Variants in DYSF observed in about 807,000 individuals in gnomAD.
DYSF encodes dystrophy-associated fer-1-like 1.
A neutral mutation model predicts 274.9 loss-of-function variants in DYSF; 212 were observed. The observed-to-expected ratio is 0.77, with a 90% confidence interval of 0.69 to 0.86. The LOEUF (loss-of-function observed/expected upper bound fraction) is 0.86, where lower values mean the gene tolerates loss of function less well. Ranked by LOEUF, DYSF falls within the 40% of genes least tolerant of loss-of-function variation. The pLI is 0.00. For missense variants in DYSF, 2,666 were observed against 2,783.2 expected (o/e 0.96, Z 0.95); for synonymous variants, 1,091 against 1,078.7 (o/e 1.01, Z -0.22).
chr2:71,659,135 G>A, intron 44 of DYSF, 102 bp downstream of exon 44: 1 of 1,507,400 alleles, frequency 6.6e-7, no homozygotes, highest in Non-Finnish European at 9.2e-7. Flanking sequence ...TTCATAGTAG[G>A]TTGGGAAACA....
chr2:71,593,111 T>G (rs1574229729), intron 32 of DYSF, among the ~76,000 whole-genome samples: 1 of 150,362 alleles, frequency 6.7e-6, no homozygotes, highest in South Asian at 2.1e-4. Context: ...AAGTGATACT[T>G]AATTCAGTGA....
chr2:71,627,352 A>C (rs2152904069), intron 41 of DYSF, among the ~76,000 whole-genome samples: 1 of 152,114 alleles, frequency 6.6e-6, no homozygotes, highest in African/African-American at 2.4e-5. Flanking sequence ...AAATTGTCTA[A>C]AAATATGGTT....
At chr2:71,518,465 C>T (rs2086893026) in intron 10 of DYSF, among the ~76,000 whole-genome samples, 1 of 148,114 alleles carries the variant, frequency 6.8e-6, no homozygotes, top group Non-Finnish European at 1.5e-5. Flanking sequence ...TGGGGTTTCA[C>T]CATCTTGGTC....
chr2:71,655,893 C>G (rs1442799020), intron 42 of DYSF, among the ~76,000 whole-genome samples: 1 of 151,634 alleles, frequency 6.6e-6, no homozygotes, highest in East Asian at 1.9e-4. Context: ...TGCTCCCTTC[C>G]CCTGGAATTT....
rs189024375 is a variant in DYSF at position 71,547,068 on chromosome 2, C to T, written c.1577-3973C>T. On this transcript the variant is annotated intron_variant, in intron 17 of 55. Coordinates refer to ENST00000410020, the MANE Select transcript of DYSF (RefSeq NM_001130987.2). ...TTTGGGCTTCCACAGCCCCAGCTTC[C>T]TGGGCTGAGGGAAAACACAATAAAA... 5.6e-3 allele frequency among the ~76,000 whole-genome samples: 850 copies of T among 152,362 alleles called. 11 individuals are homozygous for T. Among genetic ancestry groups the T allele is most frequent in the Non-Finnish European group, 7.7e-3 (521 of 68,040 alleles).
upstream of DYSF, among the ~76,000 whole-genome samples, chr2:71,465,720 A>C (rs2081489724): frequency 6.6e-6 from 1 of 152,154 alleles, no homozygotes; most frequent in African/African-American, 2.4e-5. Flanking sequence ...GTTAGTGAGG[A>C]CTTGGGCGGT....
intron 36 of DYSF, among the ~76,000 whole-genome samples, chr2:71,608,062 G>T (rs542275387): frequency 6.6e-6 from 1 of 152,168 alleles, no homozygotes; most frequent in Admixed American, 6.5e-5. Context: ...TAGCTGGCCA[G>T]ATGCTGCTGA....
chr2:71,545,135 G>C (rs111390403), intron 17 of DYSF, among the ~76,000 whole-genome samples: 3 of 152,188 alleles, frequency 2.0e-5, no homozygotes, highest in African/African-American at 7.2e-5. Context: ...GGAAGCCACC[G>C]GCACGTGAGG....
chr2:71,502,540 C>G (rs529665152), intron 3 of DYSF, among the ~76,000 whole-genome samples: 2 of 152,254 alleles, frequency 1.3e-5, no homozygotes, highest in East Asian at 3.9e-4. Context: ...TTCCTCTGCT[C>G]TCTTTGAAGG....
intron 1 of DYSF, among the ~76,000 whole-genome samples, chr2:71,457,949 C>T (rs1427014031): frequency 6.6e-6 from 1 of 152,046 alleles, no homozygotes; most frequent in Non-Finnish European, 1.5e-5. Flanking sequence ...GAAAGTTGGG[C>T]GGGGGGCTCA....
rs1322835903 is a variant in DYSF at position 71,602,764 on chromosome 2, G to C, written c.3928-12G>C. The C allele has an allele frequency of 5.0e-6, 8 of 1,612,788 alleles. No individual in the cohort carries two copies. The highest frequency in any genetic ancestry group is 6.8e-6 in the Non-Finnish European group (8 of 1,179,762). Reference sequence around the variant, plus strand: ...TCTCCTGGATGTGCCACATCCCATGGCTGTGGGCCAGGTGCAGGAGACATC... The same window carrying C: ...TCTCCTGGATGTGCCACATCCCATGCCTGTGGGCCAGGTGCAGGAGACATC... On this transcript the variant is annotated splice_polypyrimidine_tract_variant and intron_variant, in intron 35 of 55. Transcript: ENST00000410020.
chr2:71,474,835 C>CAAGTG (rs2082283779), intron 1 of DYSF, among the ~76,000 whole-genome samples: 2 of 152,158 alleles, frequency 1.3e-5, no homozygotes, highest in African/African-American at 4.8e-5. Context: ...TTAAGGAAGC[C>CAAGTG]TGGAGCACCA....
chr2:71,457,860 G>A (rs572469050), intron 1 of DYSF, among the ~76,000 whole-genome samples: 16 of 152,302 alleles, frequency 1.1e-4, no homozygotes, highest in East Asian at 7.7e-4. Context: ...CCTGTGGTGC[G>A]TATGGCAGGT....
At chr2:71,660,193 C>G (rs2094852621) in intron 44 of DYSF, among the ~76,000 whole-genome samples, 1 of 152,242 alleles carries the variant, frequency 6.6e-6, no homozygotes, top group African/African-American at 2.4e-5. Context: ...GGCTGACCAC[C>G]CCTCTCTCAT....
Position 71,480,923 on chromosome 2 carries a change from C to A in DYSF, c.132C>A (p.Asn44Lys), listed in dbSNP as rs772240035. Residue 44 changes from asparagine to lysine, a missense_variant, in exon 2 of 56, where the codon AAC (asparagine) becomes AAA (lysine). Physicochemically the swap from Asn to Lys is moderately conservative, Grantham distance 94. Transcript: ENST00000410020. ...KRTKVIKNSVNPVWNEGFEWD... is the reference protein window; with the variant it reads ...KRTKVIKNSVKPVWNEGFEWD... ...CCAAAGTCATCAAGAACAGCGTGAACCCTGTATGGAATGAGGTATGTGAGT... is the reference window on the plus strand; with the variant it reads ...CCAAAGTCATCAAGAACAGCGTGAAACCTGTATGGAATGAGGTATGTGAGT... The A allele has an allele frequency of 2.6e-5, 42 of 1,614,008 alleles. No homozygotes were observed. The highest frequency in any genetic ancestry group is 4.2e-6 in the Non-Finnish European group (5 of 1,179,976).
In DYSF at chr2:71,674,263, G is replaced by A. The variant is rs1419369213; in HGVS notation, c.5851G>A (p.Asp1951Asn). ...AGCACGAGTGGTGTTCCAGATCTGG[G>A]ACAATGACAAGTTCTCCTTTGATGA... ...IPARVVFQIW[D>N]NDKFSFDDFL... The change falls in exon 52 of 56, where the codon GAC (aspartate) becomes AAC (asparagine). Residue 1951 changes from aspartate to asparagine, a missense_variant. Physicochemically the swap from Asp to Asn is conservative, Grantham distance 23. Coordinates refer to ENST00000410020, the MANE Select transcript of DYSF (RefSeq NM_001130987.2). 1.9e-6 allele frequency: 3 copies of A among 1,614,244 alleles called. No homozygotes were observed. Among genetic ancestry groups the A allele is most frequent in the Middle Eastern group, 3.3e-4 (2 of 6,062 alleles).
chr2:71,520,740 C>T (rs369710423), intron 11 of DYSF, 49 bp from the exon 12 acceptor site: 1 of 1,567,100 alleles, frequency 6.4e-7, no homozygotes, highest in African/African-American at 1.4e-5. Flanking sequence ...GTGGCCACAG[C>T]CTGGGGTCTT....
chr2:71,520,221 C>T lies in DYSF; in HGVS notation c.1033+13C>T. On this transcript the variant is annotated intron_variant, in intron 11 of 55. Coordinates refer to ENST00000410020, the MANE Select transcript of DYSF (RefSeq NM_001130987.2). ...TACAGAGAGCCCCGTGAGTTCTCACCACTTTGGCCGTATCCTTGCATTTTG... is the reference window on the plus strand; with the variant it reads ...TACAGAGAGCCCCGTGAGTTCTCACTACTTTGGCCGTATCCTTGCATTTTG... 1 of 1,614,150 alleles carries T rather than the reference C, an allele frequency of 6.2e-7. No individual in the cohort carries two copies. Among genetic ancestry groups the T allele is most frequent in the Non-Finnish European group, 8.5e-7 (1 of 1,180,008 alleles).
chr2:71,521,880 C>T (rs2087312565), intron 12 of DYSF, among the ~76,000 whole-genome samples: 1 of 152,136 alleles, frequency 6.6e-6, no homozygotes, highest in Non-Finnish European at 1.5e-5. Flanking sequence ...GACTTTCTTC[C>T]CTTTCCTAAG....
Sources: gnomAD v4.1 joint callset for allele counts (sites outside exome capture counted in the v4.1 genomes callset) on GRCh38, gnomAD v4.1.1 for gene constraint, MANE v1.5 for transcripts, NCBI Gene and HGNC (gene_info 2026-07-23, HGNC 2026-07-21) for gene names.